Variants in FCN3 observed in about 807,000 individuals in gnomAD.
The protein encoded by FCN3 is ficolin-3.
FCN3 carries 28 observed loss-of-function variants against 31.5 expected under a neutral mutation model. The ratio of observed to expected loss-of-function variants is 0.89; its 90% CI spans 0.66 to 1.22. The LOEUF (loss-of-function observed/expected upper bound fraction) is 1.22, where lower values mean the gene tolerates loss of function less well. FCN3 is among the 50% of genes most tolerant of loss of function. The pLI is 0.00. For synonymous variants in FCN3, 124 were observed against 147.4 expected, an observed-to-expected ratio of 0.84 and a Z score of 1.15; for missense variants, 351 against 386.8, an observed-to-expected ratio of 0.91 and a Z score of 0.78.
intron 3 of FCN3, chr1:27,373,761 C>T (rs377144130): frequency 1.1e-3 from 726 of 641,160 alleles, no homozygotes; most frequent in Non-Finnish European, 1.6e-3. Flanking sequence ...TCCTAATCCT[C>T]CCCACTCCTC....
rs191476566 is a variant in FCN3, at chr1:27,371,828, C to T, written c.394-856G>A. On this transcript the variant is annotated intron_variant, in intron 5 of 7. Coordinates refer to ENST00000270879, the MANE Select transcript of FCN3 (RefSeq NM_003665.4). ...AGGCTGGAGTACAGTGGTGTGATCT[C>T]GGCTCACTGCAACCTCTGCCTCCCT... Among the ~76,000 whole-genome samples the T allele has an allele frequency of 1.4e-3, 203 of 150,230 alleles. 2 individuals are homozygous for T. Among genetic ancestry groups the T allele is most frequent in the Non-Finnish European group, 2.5e-3 (168 of 67,378 alleles).
chr1:27,372,102 A>G (rs2016157673), intron 5 of FCN3, among the ~76,000 whole-genome samples: 1 of 151,974 alleles, frequency 6.6e-6, no homozygotes, highest in Non-Finnish European at 1.5e-5. Flanking sequence ...CTGTCTTCCT[A>G]AACCATGTCC....
At position 27,373,145 on chromosome 1, in the gene FCN3, G is replaced by A. The variant is rs773027277; in HGVS notation, c.384C>T (p.Gly128=). The change falls in exon 5 of 8, where the codon GGC becomes GGT. Residue 128 remains glycine (G), a synonymous_variant. Transcript: ENST00000270879. ...PVFCDMDTEG[G]GWLVFQRRQD... Reference sequence around the variant, plus strand: ...TTTCTCAGACACTCACCAGCCAGCCGCCCCCCTCGGTGTCCATGTCACAAA... The same window carrying A: ...TTTCTCAGACACTCACCAGCCAGCCACCCCCCTCGGTGTCCATGTCACAAA... 3.2e-5 allele frequency: 52 copies of A among 1,613,648 alleles called. No individual in the cohort carries two copies. The highest frequency in any genetic ancestry group is 3.3e-4 in the Middle Eastern group (2 of 6,078).
chr1:27,372,049 C>T (rs1266436866), intron 5 of FCN3, among the ~76,000 whole-genome samples: 1 of 152,052 alleles, frequency 6.6e-6, no homozygotes, highest in African/African-American at 2.4e-5. Context: ...GTGTGAGCTA[C>T]TGTGTCAGGC....
At chr1:27,369,527 C>A (rs2016102232) in intron 7 of FCN3, 50 bp from the exon 8 acceptor site, 2 of 1,568,484 alleles carry the variant, frequency 1.3e-6, no homozygotes, top group South Asian at 1.1e-5. Context: ...CCACGCCTGG[C>A]ACCTTTGGAG....
rs34560038 is a variant in FCN3 at position 27,370,009 on chromosome 1, C to CT, written c.659-533dup. On this transcript the variant is annotated intron_variant, in intron 7 of 7. Coordinates refer to ENST00000270879, the MANE Select transcript of FCN3 (RefSeq NM_003665.4). ...CCTTGCCTCCCTGCGCTCCCCCCGC[C>CT]TTTTTTTTTTTTTCTGAGATGGAGT... Among the ~76,000 whole-genome samples the CT allele has an allele frequency of 1.5e-3, 215 of 144,768 alleles. 1 individual carries two copies. The highest frequency in any genetic ancestry group is 2.0e-3 in the Non-Finnish European group (133 of 65,950). 95.0% of individuals were successfully genotyped at this position (144,768 alleles called of 152,430 possible).
At chr1:27,372,668 A>T (rs1485916058) in intron 5 of FCN3, among the ~76,000 whole-genome samples, 1 of 150,928 alleles carries the variant, frequency 6.6e-6, no homozygotes, top group East Asian at 1.9e-4. Flanking sequence ...TTTAGCCGAC[A>T]CCCACGCCTG....
rs1234386813 is a variant in FCN3 at position 27,374,346 on chromosome 1, C to T, written c.187+10G>A. 8.2e-6 allele frequency: 13 copies of T among 1,594,412 alleles called. No individual in the cohort carries two copies. Among genetic ancestry groups the T allele is most frequent in the Non-Finnish European group, 1.1e-5 (13 of 1,162,768 alleles). ...CCCAAGATCCCAGCCCGCTCCCCAGCCCCTCTCACCTTGAGGACCTGGGGC... is the reference window on the plus strand; with the variant it reads ...CCCAAGATCCCAGCCCGCTCCCCAGTCCCTCTCACCTTGAGGACCTGGGGC... On this transcript the variant is annotated intron_variant, in intron 2 of 7. Coordinates refer to ENST00000270879, the MANE Select transcript of FCN3 (RefSeq NM_003665.4).
At chr1:27,369,567 T>A in intron 7 of FCN3, 90 bp from the exon 8 acceptor site, 2 of 1,273,748 alleles carry the variant, frequency 1.6e-6, no homozygotes, top group Non-Finnish European at 2.2e-6. Flanking sequence ...TCAGAGCAAC[T>A]AAGAGTTGAA....
chr1:27,372,470 A>G (rs765624176), intron 5 of FCN3, among the ~76,000 whole-genome samples: 1 of 151,832 alleles, frequency 6.6e-6, no homozygotes, highest in Non-Finnish European at 1.5e-5. Context: ...CTGATCTCGA[A>G]CTCTTGACCT....
chr1:27,372,127 C>T (rs934374484), intron 5 of FCN3, among the ~76,000 whole-genome samples: 1 of 152,132 alleles, frequency 6.6e-6, no homozygotes, highest in Non-Finnish European at 1.5e-5. Flanking sequence ...CTCCACTGGT[C>T]CCCCAATGCA....
Position 27,373,266 on chromosome 1 carries a change from G to C in FCN3, c.266-3C>G, listed in dbSNP as rs377389893. 7 of 1,614,060 alleles carry C rather than the reference G, an allele frequency of 4.3e-6. No individual in the cohort carries two copies. The highest frequency in any genetic ancestry group is 5.9e-6 in the Non-Finnish European group (7 of 1,179,970). ...CAGCTCCCGGCAGTTTCTGGGGCCT[G>C]GGAAAGGGGAGATGGACTGGGGTGG... On this transcript the variant is annotated splice_region_variant and splice_polypyrimidine_tract_variant and intron_variant, in intron 4 of 7. Coordinates refer to ENST00000270879, the MANE Select transcript of FCN3 (RefSeq NM_003665.4).
In FCN3 at chr1:27,373,960, C is replaced by T. The variant is rs1447679145; in HGVS notation, c.232+5G>A. The T allele has an allele frequency of 6.2e-7, 1 of 1,613,288 alleles. No individual in the cohort carries two copies. On this transcript the variant is annotated splice_donor_5th_base_variant and intron_variant, in intron 3 of 7. Coordinates refer to ENST00000270879, the MANE Select transcript of FCN3 (RefSeq NM_003665.4). ...GCGGGGAGGCCTCCAGCCCCACTTA[C>T]TCACCTGGCTCACCCTTGGGGCCCA...
Position 27,370,952 on chromosome 1 carries a change from A to G in FCN3, c.414T>C (p.Asp138=). Reference sequence around the variant, plus strand: ...AAGAGCGGAAGAAATCCACAGAACCATCCTGGCGCCTCTGAAACACCTGGG... The same window carrying G: ...AAGAGCGGAAGAAATCCACAGAACCGTCCTGGCGCCTCTGAAACACCTGGG... The part of the protein sequence containing the change: ...GGWLVFQRRQ[D]GSVDFFRSWS... Residue 138 remains aspartate (D), a synonymous_variant, in exon 6 of 8, where the codon GAT becomes GAC. Transcript: ENST00000270879. The G allele has an allele frequency of 6.2e-7, 1 of 1,605,728 alleles. No individual in the cohort carries two copies. The highest frequency in any genetic ancestry group is 8.5e-7 in the Non-Finnish European group (1 of 1,175,550).
At chr1:27,374,694 G>A (rs189227069) in intron 1 of FCN3, 34 bp downstream of exon 1, 1 of 1,274,376 alleles carries the variant, frequency 7.8e-7, no homozygotes, top group East Asian at 2.6e-5. Context: ...GGAATGAGGA[G>A]TGGGTTGGTG....
intron 5 of FCN3, among the ~76,000 whole-genome samples, chr1:27,371,735 T>A (rs2016151705): frequency 6.6e-6 from 1 of 152,192 alleles, no homozygotes; most frequent in African/African-American, 2.4e-5. Flanking sequence ...AGTACTTCTA[T>A]TTCCATTGCT....
In FCN3 at chr1:27,374,408, A is replaced by G. The variant is rs760626552; in HGVS notation, c.135T>C (p.Ser45=). 1.2e-6 allele frequency: 2 copies of G among 1,613,914 alleles called. No homozygotes were observed. Among genetic ancestry groups the G allele is most frequent in the Non-Finnish European group, 1.7e-6 (2 of 1,179,936 alleles). ...CAGGACTTCCTGGAGCTCCGGGACAACTGGGCAGGAGGACAACTTTGCTGG... is the reference window on the plus strand; with the variant it reads ...CAGGACTTCCTGGAGCTCCGGGACAGCTGGGCAGGAGGACAACTTTGCTGG... The part of the protein sequence containing the change: ...LEASKVVLLP[S]CPGAPGSPGE... The change falls in exon 2 of 8, where the codon AGT becomes AGC. Residue 45 remains serine (S), a synonymous_variant. Transcript: ENST00000270879.
rs1571092679 is a variant in FCN3 at position 27,374,698 on chromosome 1, G to A, written c.91+30C>T. 28 of 1,327,298 alleles carry A rather than the reference G, an allele frequency of 2.1e-5. No homozygotes were observed. The East Asian group carries it at 7.3e-4, about 35-fold the overall frequency. 82.2% of individuals were successfully genotyped at this position (1,327,298 alleles called of 1,614,324 possible). On this transcript the variant is annotated intron_variant, in intron 1 of 7. Coordinates refer to ENST00000270879, the MANE Select transcript of FCN3 (RefSeq NM_003665.4). Reference sequence around the variant, plus strand: ...CACCCAGCGAGGGAATGAGGAGTGGGTTGGTGAGGAGGGCACCCTAGGTGC... The same window carrying A: ...CACCCAGCGAGGGAATGAGGAGTGGATTGGTGAGGAGGGCACCCTAGGTGC...
At chr1:27,374,102 G>T in intron 2 of FCN3, 93 bp from the exon 3 acceptor site, 1 of 1,155,764 alleles carries the variant, frequency 8.7e-7, no homozygotes, top group Non-Finnish European at 1.3e-6. Flanking sequence ...TCAAATCCCA[G>T]TTTCACCCTT....
Sources: gnomAD v4.1 joint callset for allele counts (sites outside exome capture counted in the v4.1 genomes callset) on GRCh38, gnomAD v4.1.1 for gene constraint, MANE v1.5 for transcripts, NCBI Gene and HGNC (gene_info 2026-07-23, HGNC 2026-07-21) for gene names.